Variants in GRM5 observed in about 807,000 individuals in gnomAD.
The protein encoded by GRM5 is metabotropic glutamate receptor 5.
In GRM5, 19 loss-of-function variants were observed where a neutral mutation model predicts 83.1. That is an observed-to-expected ratio of 0.23 (90% CI 0.16 to 0.34). The LOEUF is 0.34. GRM5 is among the 10% of genes least tolerant of loss of function. The pLI, the probability that GRM5 is intolerant of heterozygous loss-of-function variation, is 1.00. For missense variants in GRM5, 1,160 were observed against 1,588.3 expected (o/e 0.73, Z 4.58); for synonymous variants, 675 against 633.6 (o/e 1.07, Z -0.98).
chr11:89,024,344 A>G (rs1170417880), intron 2 of GRM5, among the ~76,000 whole-genome samples: 2 of 152,260 alleles, frequency 1.3e-5, no homozygotes, highest in Non-Finnish European at 2.9e-5. Flanking sequence ...TGAGGAGACT[A>G]TGCCTAATGA....
chr11:88,699,952 G>T (rs1940990261), intron 3 of GRM5, among the ~76,000 whole-genome samples: 1 of 152,138 alleles, frequency 6.6e-6, no homozygotes, highest in African/African-American at 2.4e-5. Context: ...ACACTGTGCA[G>T]TTGGAGGCAT....
intron 7 of GRM5, among the ~76,000 whole-genome samples, chr11:88,586,155 A>C (rs1476859182): frequency 2.6e-5 from 4 of 152,074 alleles, no homozygotes; most frequent in Non-Finnish European, 4.4e-5. Flanking sequence ...TGTGTAAAAA[A>C]AGGAACCTGT....
rs1337715358 is a variant in GRM5, at chr11:88,507,045, G to A, written c.*1547C>T. The stretch of plus-strand genomic sequence containing the variant: ...CCTTATTTAAAAATCAAAACATTTG[G>A]TACCTGAGGATAGCTGCAATGGGAG... On this transcript the variant is annotated 3_prime_UTR_variant, in exon 10 of 10. Transcript: ENST00000305447. 6.6e-6 allele frequency: 1 copy of A among 151,680 alleles called. No homozygotes were observed. Among genetic ancestry groups the A allele is most frequent in the Non-Finnish European group, 1.5e-5 (1 of 68,012 alleles). The allele number at this position is 151,680 out of a possible 1,614,324, so 9.4% of individuals were successfully genotyped here.
At chr11:88,576,622 ACTTAT>A (rs1490897286) in intron 7 of GRM5, among the ~76,000 whole-genome samples, 24 of 152,264 alleles carry the variant, frequency 1.6e-4, no homozygotes, top group African/African-American at 5.3e-4. Context: ...AATAATACAG[ACTTAT>A]CTTATCTATA....
intron 3 of GRM5, among the ~76,000 whole-genome samples, chr11:88,847,632 GAC>G (rs1173241174): frequency 6.6e-6 from 1 of 152,068 alleles, no homozygotes; most frequent in African/African-American, 2.4e-5. Context: ...ACTGCAGGGA[GAC>G]AGTTTTAAAA....
chr11:89,023,031 C>T (rs1038171594), intron 2 of GRM5, among the ~76,000 whole-genome samples: 13 of 152,184 alleles, frequency 8.5e-5, no homozygotes, highest in Admixed American at 7.9e-4. Flanking sequence ...TTTTCATGCA[C>T]GTTTCCAGCT....
chr11:88,823,677 T>C (rs1943843027), intron 3 of GRM5, among the ~76,000 whole-genome samples: 1 of 152,160 alleles, frequency 6.6e-6, no homozygotes, highest in Non-Finnish European at 1.5e-5. Context: ...ACTCCCACTT[T>C]CCTGCATAGA....
rs867105067 is a variant in GRM5, at chr11:88,637,607, A to G, written c.1147+15561T>C. Among the ~76,000 whole-genome samples, 10 of 147,724 alleles carry G rather than the reference A, an allele frequency of 6.8e-5. No individual in the cohort carries two copies. The East Asian group carries it at 1.2e-3, about 18-fold the overall frequency. ...ATGCAAATCAAAACCACAATGAGAT[A>G]CCATCTCACACCAGTTAGAATGGCA... On this transcript the variant is annotated intron_variant, in intron 4 of 9. Transcript: ENST00000305447.
Position 88,885,450 on chromosome 11 carries a change from G to GTTTTTTTTTTTTTTTTTTTTTT in GRM5, c.662-35317_662-35296dup, listed in dbSNP as rs61456975. 9.6e-5 allele frequency among the ~76,000 whole-genome samples: 6 copies of GTTTTTTTTTTTTTTTTTTTTTT among 62,666 alleles called. 1 individual carries two copies. The highest frequency in any genetic ancestry group is 3.6e-4 in the African/African-American group (6 of 16,858). 41.1% of individuals were successfully genotyped at this position (62,666 alleles called of 152,430 possible). A position where few individuals can be genotyped will look rare whatever the true frequency, so the allele number is the denominator to read the frequency against. ...TTCTGAATTCTATAGTAGGTACCAT[G>GTTTTTTTTTTTTTTTTTTTTTT]TTTTTTTTTTTTTTTTTTTTTTTTT... On this transcript the variant is annotated intron_variant, in intron 2 of 9. Coordinates refer to ENST00000305447, the MANE Select transcript of GRM5 (RefSeq NM_001143831.3).
intron 3 of GRM5, among the ~76,000 whole-genome samples, chr11:88,671,524 T>C (rs1940193677): frequency 6.6e-6 from 1 of 152,022 alleles, no homozygotes; most frequent in Non-Finnish European, 1.5e-5. Context: ...ACAACCAAAA[T>C]GTTCATCACC....
chr11:88,874,069 G>A (rs1176702666), intron 2 of GRM5, among the ~76,000 whole-genome samples: 2 of 151,552 alleles, frequency 1.3e-5, no homozygotes, highest in Non-Finnish European at 3.0e-5. Flanking sequence ...AATGAGCAAT[G>A]ATATTGATTC....
chr11:88,722,338 C>T (rs982205333), intron 3 of GRM5, among the ~76,000 whole-genome samples: 1 of 152,178 alleles, frequency 6.6e-6, no homozygotes, highest in South Asian at 2.1e-4. Context: ...TTTGTAGCTT[C>T]TCAGGGAATC....
At chr11:88,750,911 C>T (rs1440577994) in intron 3 of GRM5, among the ~76,000 whole-genome samples, 1 of 151,700 alleles carries the variant, frequency 6.6e-6, no homozygotes, top group Non-Finnish European at 1.5e-5. Flanking sequence ...TGCTGTAAGG[C>T]ATGGTTAAGA....
In GRM5 at chr11:88,912,841, A is replaced by C. The variant is rs116721295; in HGVS notation, c.662-62686T>G. On this transcript the variant is annotated intron_variant, in intron 2 of 9. Coordinates refer to ENST00000305447, the MANE Select transcript of GRM5 (RefSeq NM_001143831.3). ...GTTTTACTCTCTTAAGACACAGACT[A>C]TTCTTTACCTATTGACCTGTTGTCC... is the stretch of plus-strand genomic sequence containing the variant. Among the ~76,000 whole-genome samples, 599 of 152,268 alleles carry C rather than the reference A, an allele frequency of 3.9e-3. 2 individuals carry two copies. The highest frequency in any genetic ancestry group is 0.014 in the African/African-American group (566 of 41,572).
Position 88,590,581 on chromosome 11 carries a change from G to A in GRM5, c.1690+20C>T, listed in dbSNP as rs200128325. 3.1e-6 allele frequency: 5 copies of A among 1,605,522 alleles called. No individual in the cohort carries two copies. In the African/African-American group the frequency reaches 6.7e-5, roughly 22 times the overall value. ...CCATTTTTCAGTTAATTTATATGTG[G>A]TGAGATTGTGATAGATTACCTGTGA... On this transcript the variant is annotated intron_variant, in intron 7 of 9. Transcript: ENST00000305447.
chr11:88,611,810 T>C (rs565065444), intron 4 of GRM5, among the ~76,000 whole-genome samples: 2 of 152,226 alleles, frequency 1.3e-5, no homozygotes, highest in African/African-American at 2.4e-5. Flanking sequence ...CTGGGTGTGA[T>C]GTTAGGTTGT....
At chr11:88,900,121 C>T (rs1209914476) in intron 2 of GRM5, among the ~76,000 whole-genome samples, 2 of 152,136 alleles carry the variant, frequency 1.3e-5, no homozygotes, top group Non-Finnish European at 2.9e-5. Flanking sequence ...GAAGCAGAGA[C>T]AGAAAATTAG....
At chr11:88,746,779 G>C in intron 3 of GRM5, among the ~76,000 whole-genome samples, 1 of 152,082 alleles carries the variant, frequency 6.6e-6, no homozygotes. Flanking sequence ...GTTGTAATCA[G>C]AAAAAAAGTA....
intron 4 of GRM5, among the ~76,000 whole-genome samples, chr11:88,642,560 C>T (rs1350221000): frequency 6.6e-6 from 1 of 152,166 alleles, no homozygotes; most frequent in Non-Finnish European, 1.5e-5. Flanking sequence ...TTCTTCTTCT[C>T]TTTTAAATAT....
Sources: gnomAD v4.1 joint callset for allele counts (sites outside exome capture counted in the v4.1 genomes callset) on GRCh38, gnomAD v4.1.1 for gene constraint, MANE v1.5 for transcripts, NCBI Gene and HGNC (gene_info 2026-07-23, HGNC 2026-07-21) for gene names.